AGTRAP: variants seen among roughly 807,000 people sequenced by gnomAD.
The protein encoded by AGTRAP is angiotensin II receptor associated protein.
Under a neutral mutation model 15.2 loss-of-function variants are expected in AGTRAP, and 7 were observed. The observed-to-expected ratio is 0.46, with a 90% CI of 0.26 to 0.87. The LOEUF is 0.87. AGTRAP is among the 40% of genes least tolerant of loss of function. AGTRAP has a pLI of 0.15. For synonymous variants in AGTRAP, 74 were observed against 89.6 expected (o/e 0.83, Z 0.98); for missense variants, 187 against 213.4 (o/e 0.88, Z 0.77).
intron 4 of AGTRAP, among the ~76,000 whole-genome samples, chr1:11,749,272 G>A (rs1642254844): frequency 6.6e-6 from 1 of 152,236 alleles, no homozygotes; most frequent in South Asian, 2.1e-4. Flanking sequence ...CTCTCTTTGA[G>A]AGGAGTGGAG....
chr1:11,740,969 T>C (rs1642016639), intron 1 of AGTRAP, among the ~76,000 whole-genome samples: 1 of 152,068 alleles, frequency 6.6e-6, no homozygotes, highest in Admixed American at 6.5e-5. Context: ...CTGTCTGTGG[T>C]CCAGGGTTTA....
chr1:11,738,844 G>A (rs1641958953), intron 1 of AGTRAP, among the ~76,000 whole-genome samples: 1 of 152,182 alleles, frequency 6.6e-6, no homozygotes, highest in Non-Finnish European at 1.5e-5. Context: ...GATCTCACTA[G>A]CACGTGTAAC....
chr1:11,736,312 A>C, intron 1 of AGTRAP, 77 bp downstream of exon 1: 3 of 1,562,360 alleles, frequency 1.9e-6, no homozygotes, highest in Non-Finnish European at 2.6e-6. Context: ...GGTGGGAGGA[A>C]GGACCGGAGT....
chr1:11,739,426 C>T (rs780261937), intron 1 of AGTRAP, among the ~76,000 whole-genome samples: 5 of 152,118 alleles, frequency 3.3e-5, no homozygotes, highest in Non-Finnish European at 7.3e-5. Context: ...TGGTGCTCGC[C>T]TGTAGTCCCA....
Position 11,745,764 on chromosome 1 carries a change from T to C in AGTRAP, c.28-39T>C. The C allele has an allele frequency of 6.2e-7, 1 of 1,612,678 alleles. No individual in the cohort carries two copies. Among genetic ancestry groups the C allele is most frequent in the Non-Finnish European group, 8.5e-7 (1 of 1,178,692 alleles). On this transcript the variant is annotated intron_variant, in intron 1 of 4. Transcript: ENST00000314340. This position sits in a 1 kb window ranked among gnomAD's most constrained non-coding sequence, Gnocchi z 4.2. ...CGCTTTCCTGCCCCTGTGGTGGTCA[T>C]GTTCACAGACCTCTTCTCTCCCCCT...
intron 4 of AGTRAP, 93 bp from the exon 5 acceptor site, chr1:11,749,984 G>T: frequency 3.2e-6 from 3 of 945,172 alleles, no homozygotes; most frequent in Non-Finnish European, 5.0e-6. Context: ...CCCAGCCCGA[G>T]GGTGGCGGGG....
At chr1:11,736,313 G>C in intron 1 of AGTRAP, 78 bp downstream of exon 1, 3 of 1,559,486 alleles carry the variant, frequency 1.9e-6, no homozygotes, top group Non-Finnish European at 2.6e-6. Context: ...GTGGGAGGAA[G>C]GACCGGAGTT....
At chr1:11,748,302 C>A in intron 3 of AGTRAP, 113 bp from the exon 4 acceptor site, 1 of 1,216,172 alleles carries the variant, frequency 8.2e-7, no homozygotes, top group Non-Finnish European at 1.1e-6. Context: ...TCCATTTTCC[C>A]GCAAGCCCCA....
intron 1 of AGTRAP, chr1:11,744,465 C>T (rs886162452): frequency 2.9e-6 from 2 of 700,452 alleles, no homozygotes; most frequent in Non-Finnish European, 5.3e-6. Flanking sequence ...CCCTACCTGT[C>T]CCCAGCTACC....
intron 1 of AGTRAP, among the ~76,000 whole-genome samples, chr1:11,740,881 C>T (rs563309423): frequency 2.4e-4 from 36 of 152,238 alleles, no homozygotes; most frequent in African/African-American, 8.7e-4. Flanking sequence ...CTGTCTCTTT[C>T]CTCGGTGTCT....
At chr1:11,747,322 C>A in intron 2 of AGTRAP, 118 bp from the exon 3 acceptor site, 1 of 892,674 alleles carries the variant, frequency 1.1e-6, no homozygotes. Context: ...GGCACACAGC[C>A]GGGTGGCCTC....
At chr1:11,747,124 AT>A (rs1642182580) in intron 2 of AGTRAP, among the ~76,000 whole-genome samples, 1 of 152,156 alleles carries the variant, frequency 6.6e-6, no homozygotes, top group Non-Finnish European at 1.5e-5. Context: ...CTGTTGGAGG[AT>A]TTTTAGCAGA....
At chr1:11,743,030 G>T (rs1325226390) in intron 1 of AGTRAP, among the ~76,000 whole-genome samples, 3 of 152,188 alleles carry the variant, frequency 2.0e-5, no homozygotes, top group African/African-American at 7.2e-5. Flanking sequence ...CAGGCCCGTT[G>T]AAGCTCCCAA....
intron 1 of AGTRAP, among the ~76,000 whole-genome samples, chr1:11,744,198 C>T (rs1642104448): frequency 6.6e-6 from 1 of 152,120 alleles, no homozygotes; most frequent in South Asian, 2.1e-4. Flanking sequence ...TCACTTAAGC[C>T]CAGGAGTTTG....
At chr1:11,747,361 C>T (rs1642187041) in intron 2 of AGTRAP, 79 bp from the exon 3 acceptor site, 1 of 1,308,660 alleles carries the variant, frequency 7.6e-7, no homozygotes, top group South Asian at 1.2e-5. Flanking sequence ...TGGGAGGAGG[C>T]CCTGAGACGC....
intron 1 of AGTRAP, among the ~76,000 whole-genome samples, chr1:11,743,468 A>C (rs1570342076): frequency 2.0e-5 from 3 of 149,676 alleles, no homozygotes; most frequent in South Asian, 2.1e-4. Flanking sequence ...CTGGTCTCGA[A>C]CTCCTGACCT....
chr1:11,748,637 C>T (rs1215882162), intron 4 of AGTRAP, 27 bp downstream of exon 4: 5 of 1,595,106 alleles, frequency 3.1e-6, no homozygotes, highest in South Asian at 1.1e-5. Flanking sequence ...CAGCCAGCTC[C>T]TCACCGCTCC....
intron 4 of AGTRAP, among the ~76,000 whole-genome samples, chr1:11,749,746 T>C (rs1235461934): frequency 1.3e-5 from 2 of 152,172 alleles, no homozygotes; most frequent in Non-Finnish European, 2.9e-5. Flanking sequence ...GCCAGGAGCC[T>C]GGCTTTGGAC....
chr1:11,742,456 C>T (rs928826761), intron 1 of AGTRAP, among the ~76,000 whole-genome samples: 10 of 150,160 alleles, frequency 6.7e-5, no homozygotes, highest in Non-Finnish European at 1.0e-4. Context: ...TTCCTTCCTT[C>T]CTTCCTTCTT....
Sources: gnomAD v4.1 joint callset for allele counts (sites outside exome capture counted in the v4.1 genomes callset) on GRCh38, gnomAD v4.1.1 for gene constraint, Gnocchi (gnomAD v3.1) non-coding constraint, MANE v1.5 for transcripts, NCBI Gene and HGNC (gene_info 2026-07-23, HGNC 2026-07-21) for gene names.